ASTN2: variants seen among roughly 807,000 people sequenced by gnomAD.
The protein encoded by ASTN2 is astrotactin-2.
A neutral mutation model predicts 139.8 loss-of-function variants in ASTN2; 54 were observed. That is an observed-to-expected ratio of 0.39 (90% CI 0.31 to 0.48). The LOEUF is 0.48. Ranked by LOEUF, ASTN2 falls within the 20% of genes least tolerant of loss-of-function variation. The pLI is 0.95. For synonymous variants in ASTN2, 756 were observed against 719.5 expected (o/e 1.05, Z -0.81); for missense variants, 1,565 against 1,725.1 (o/e 0.91, Z 1.64).
At chr9:116,990,628 C>T (rs1836825575) in intron 7 of ASTN2, among the ~76,000 whole-genome samples, 1 of 152,198 alleles carries the variant, frequency 6.6e-6, no homozygotes, top group Non-Finnish European at 1.5e-5. Context: ...CTTCCATTCA[C>T]TCCACTGCCT....
intron 19 of ASTN2, chr9:116,540,730 C>T (rs759601542): frequency 7.9e-5 from 12 of 152,190 alleles, no homozygotes; most frequent in East Asian, 1.9e-4. Flanking sequence ...TGCTAAGTTC[C>T]ATCCAACAGG....
At chr9:116,772,825 A>G (rs957043079) in intron 13 of ASTN2, among the ~76,000 whole-genome samples, 2 of 152,158 alleles carry the variant, frequency 1.3e-5, no homozygotes, top group Admixed American at 1.3e-4. Flanking sequence ...AAGGAAATAT[A>G]TGAACCTCCG....
chr9:116,867,549 C>CAA lies in ASTN2; in HGVS notation c.1890-3818_1890-3817dup, dbSNP rs58222492. ...TGGGCGACAGAGCGAGACTCTGTCT[C>CAA]AAAAAAAAAAAAAAAAAAAAAAAGG... is the stretch of plus-strand genomic sequence containing the variant. On this transcript the variant is annotated intron_variant, in intron 10 of 22. Coordinates refer to ENST00000313400, the MANE Select transcript of ASTN2 (RefSeq NM_001365068.1). Among the ~76,000 whole-genome samples the CAA allele has an allele frequency of 6.4e-3, 498 of 77,746 alleles. 2 individuals are homozygous for CAA. Among genetic ancestry groups the CAA allele is most frequent in the East Asian group, 0.013 (30 of 2,346 alleles). The allele number at this position is 77,746 out of a possible 152,430, so 51.0% of individuals were successfully genotyped here.
At chr9:117,286,649 C>A (rs1319586179) in intron 2 of ASTN2, among the ~76,000 whole-genome samples, 1 of 152,168 alleles carries the variant, frequency 6.6e-6, no homozygotes. Flanking sequence ...AGGATTCAAG[C>A]CATGGTTTTC....
chr9:116,934,434 A>G (rs1392350342), intron 10 of ASTN2, among the ~76,000 whole-genome samples: 2 of 152,210 alleles, frequency 1.3e-5, no homozygotes, highest in Non-Finnish European at 2.9e-5. Context: ...CGGAAGCATA[A>G]TGAAGCTAGG....
At chr9:117,275,641 C>T (rs1046380410) in intron 2 of ASTN2, among the ~76,000 whole-genome samples, 1 of 148,134 alleles carries the variant, frequency 6.8e-6, no homozygotes, top group Non-Finnish European at 1.5e-5. Context: ...TCTTGGCTCA[C>T]TGCAACCTCC....
intron 10 of ASTN2, among the ~76,000 whole-genome samples, chr9:116,883,072 G>T (rs1389369238): frequency 2.0e-5 from 3 of 152,296 alleles, no homozygotes; most frequent in Non-Finnish European, 4.4e-5. Flanking sequence ...TGCAGATGAT[G>T]ACATATGCAC....
chr9:116,639,432 T>C (rs1857224518), intron 17 of ASTN2, among the ~76,000 whole-genome samples: 1 of 152,174 alleles, frequency 6.6e-6, no homozygotes, highest in Non-Finnish European at 1.5e-5. Context: ...GTGAGACACA[T>C]CTGGAATGAC....
intron 4 of ASTN2, among the ~76,000 whole-genome samples, chr9:117,106,229 C>CT (rs978581275): frequency 2.1e-4 from 31 of 149,812 alleles, no homozygotes; most frequent in African/African-American, 3.4e-4. Flanking sequence ...TTCTTTTCTT[C>CT]TTTTTTTTTT....
At chr9:117,183,822 A>G (rs1831132755) in intron 3 of ASTN2, among the ~76,000 whole-genome samples, 1 of 152,204 alleles carries the variant, frequency 6.6e-6, no homozygotes, top group African/African-American at 2.4e-5. Flanking sequence ...ACATCCATGC[A>G]TAGAGAGCTG....
intron 5 of ASTN2, among the ~76,000 whole-genome samples, chr9:117,052,540 CAA>C (rs2132670409): frequency 6.6e-6 from 1 of 151,824 alleles, no homozygotes; most frequent in East Asian, 1.9e-4. Flanking sequence ...TCATCATCAA[CAA>C]ATTTAAGACC....
At chr9:116,942,448 G>A (rs1472088324) in intron 10 of ASTN2, among the ~76,000 whole-genome samples, 1 of 152,156 alleles carries the variant, frequency 6.6e-6, no homozygotes, top group Non-Finnish European at 1.5e-5. Flanking sequence ...TTGGCCCGGG[G>A]AGTCCTGGGT....
chr9:116,782,014 A>G (rs1193589383), intron 13 of ASTN2, among the ~76,000 whole-genome samples: 1 of 151,960 alleles, frequency 6.6e-6, no homozygotes, highest in East Asian at 1.9e-4. Flanking sequence ...CAAAACCCAT[A>G]CTCTTTCCAG....
At chr9:116,660,304 G>T (rs982481726) in intron 16 of ASTN2, among the ~76,000 whole-genome samples, 1 of 152,090 alleles carries the variant, frequency 6.6e-6, no homozygotes, top group African/African-American at 2.4e-5. Flanking sequence ...CCTAACCTAA[G>T]TGAATTTGCA....
chr9:117,311,047 T>G (rs1278661364), intron 1 of ASTN2, among the ~76,000 whole-genome samples: 1 of 152,134 alleles, frequency 6.6e-6, no homozygotes, highest in Non-Finnish European at 1.5e-5. Flanking sequence ...CTTCCCCTAC[T>G]GGGGCTCCCT....
At chr9:116,606,055 C>T (rs1331229213) in intron 19 of ASTN2, among the ~76,000 whole-genome samples, 1 of 152,154 alleles carries the variant, frequency 6.6e-6, no homozygotes, top group Admixed American at 6.5e-5. Context: ...CTTACTCCCA[C>T]ATCTACCCTG....
chr9:116,525,003 A>G (rs531609991), intron 19 of ASTN2, among the ~76,000 whole-genome samples: 1 of 152,324 alleles, frequency 6.6e-6, no homozygotes, highest in African/African-American at 2.4e-5. Context: ...TTTGGAGGGC[A>G]CAGAAGAAGA....
intron 6 of ASTN2, 104 bp downstream of exon 6, chr9:117,039,715 A>T (rs1838495667): frequency 1.6e-6 from 2 of 1,272,284 alleles, no homozygotes; most frequent in African/African-American, 3.0e-5. Flanking sequence ...CCTGTAATAT[A>T]TGTAATAGTA....
intron 22 of ASTN2, 98 bp downstream of exon 22, chr9:116,440,511 T>C (rs1847809258): frequency 1.7e-6 from 2 of 1,153,466 alleles, no homozygotes; most frequent in Middle Eastern, 3.0e-4. Context: ...CCTTATTTAC[T>C]TGATAAAGCC....
Sources: allele counts gnomAD v4.1 joint callset (sites outside exome capture counted in the v4.1 genomes callset), GRCh38; gene constraint gnomAD v4.1.1; transcripts MANE v1.5; gene names NCBI Gene and HGNC (gene_info 2026-07-23, HGNC 2026-07-21).